The following WNT3A variants were observed in gnomAD, a reference collection of about 807,000 sequenced individuals.
The protein encoded by WNT3A is protein Wnt-3a.
WNT3A carries 17 observed loss-of-function variants against 37.0 expected under a neutral mutation model. The observed-to-expected ratio is 0.46, with a 90% CI of 0.31 to 0.69. The LOEUF is 0.69. WNT3A is among the 30% of genes least tolerant of loss of function. The pLI is 0.05. For missense variants in WNT3A, 411 were observed against 510.2 expected, an observed-to-expected ratio of 0.81 and a Z score of 1.87; for synonymous variants, 187 against 211.0, an observed-to-expected ratio of 0.89 and a Z score of 0.99.
At chr1:228,027,031 C>T (rs1380679733) in intron 2 of WNT3A, among the ~76,000 whole-genome samples, 4 of 152,072 alleles carry the variant, frequency 2.6e-5, no homozygotes, top group Admixed American at 6.6e-5. Flanking sequence ...TCAGTACAGA[C>T]GGGGTTTCAC....
chr1:228,059,611 G>T lies in WNT3A; in HGVS notation c.*146G>T. On this transcript the variant is annotated 3_prime_UTR_variant, in exon 4 of 4. Transcript: ENST00000284523. ...CTGGGGGTGGGGCTCCTACCTGGGGGCAGAACTCCTACCTGAAGGCAGGGC... is the reference window on the plus strand; with the variant it reads ...CTGGGGGTGGGGCTCCTACCTGGGGTCAGAACTCCTACCTGAAGGCAGGGC... 6 of 1,389,536 alleles carry T rather than the reference G, an allele frequency of 4.3e-6. No individual in the cohort carries two copies. In the South Asian group the frequency reaches 1.0e-4, roughly 23 times the overall value. The allele number at this position is 1,389,536 out of a possible 1,614,324, so 86.1% of individuals were successfully genotyped here. A position where few individuals can be genotyped will look rare whatever the true frequency, so the allele number is the denominator to read the frequency against.
chr1:228,027,658 T>C (rs898863428), intron 2 of WNT3A, among the ~76,000 whole-genome samples: 14 of 152,252 alleles, frequency 9.2e-5, no homozygotes, highest in Non-Finnish European at 1.6e-4. Flanking sequence ...GAGTTCCTTG[T>C]CAATTCTGGA....
intron 1 of WNT3A, among the ~76,000 whole-genome samples, chr1:228,014,339 T>C (rs1195900082): frequency 6.6e-6 from 1 of 152,218 alleles, no homozygotes; most frequent in Non-Finnish European, 1.5e-5. Context: ...TTGGAGCCCA[T>C]GCCCACCTTC....
rs1233716235 is a variant in WNT3A, at chr1:228,042,823, A to G, written c.314-7833A>G. ...TGGATGATGGATGGATGGATAATGG[A>G]TGATGGATGGATGTGGATGACAGAT... is the stretch of plus-strand genomic sequence containing the variant. On this transcript the variant is annotated intron_variant, in intron 2 of 3. Coordinates refer to ENST00000284523, the MANE Select transcript of WNT3A (RefSeq NM_033131.4). This position sits in a 1 kb window ranked among gnomAD's most constrained non-coding sequence, Gnocchi z 5.2. Among the ~76,000 whole-genome samples the G allele has an allele frequency of 6.6e-6, 1 of 151,512 alleles. No individual in the cohort carries two copies. The highest frequency in any genetic ancestry group is 1.5e-5 in the Non-Finnish European group (1 of 67,858).
intron 2 of WNT3A, among the ~76,000 whole-genome samples, chr1:228,047,806 G>A (rs1222424137): frequency 6.6e-6 from 1 of 151,966 alleles, no homozygotes; most frequent in African/African-American, 2.4e-5. Flanking sequence ...ATAAAGAGTG[G>A]GGGAAGAGGT....
At chr1:228,045,042 A>T (rs1229745453) in intron 2 of WNT3A, among the ~76,000 whole-genome samples, 1 of 152,216 alleles carries the variant, frequency 6.6e-6, no homozygotes. Context: ...TGGTGACCAA[A>T]CTGAGCAAGA....
In WNT3A at chr1:228,039,033, G is replaced by T. The variant is rs1429255308; in HGVS notation, c.314-11623G>T. 6.6e-6 allele frequency among the ~76,000 whole-genome samples: 1 copy of T among 152,126 alleles called. No homozygotes were observed. The highest frequency in any genetic ancestry group is 1.5e-5 in the Non-Finnish European group (1 of 67,984). ...TTGGGAGTCTGGGCCCCCAGCACCC[G>T]GCTGGACTGGCCACCATGGAGTCCT... On this transcript the variant is annotated intron_variant, in intron 2 of 3. Coordinates refer to ENST00000284523, the MANE Select transcript of WNT3A (RefSeq NM_033131.4). The surrounding 1 kb of genome is among the most constrained non-coding windows in gnomAD (Gnocchi z 4.1).
At chr1:228,048,024 G>A (rs1172862874) in intron 2 of WNT3A, among the ~76,000 whole-genome samples, 1 of 152,166 alleles carries the variant, frequency 6.6e-6, no homozygotes, top group African/African-American at 2.4e-5. Context: ...AAGCTCCCTG[G>A]ATGTCCAGGT....
rs571756090 is a variant in WNT3A at position 228,008,324 on chromosome 1, G to A, written c.71+1125G>A. ...AGCCTGGAATTATAATAATTACGCC[G>A]AGGGGAAGGGGGGAGACCCAGCGAG... On this transcript the variant is annotated intron_variant, in intron 1 of 3. Coordinates refer to ENST00000284523, the MANE Select transcript of WNT3A (RefSeq NM_033131.4). The surrounding 1 kb of genome is among the most constrained non-coding windows in gnomAD (Gnocchi z 4.9). Among the ~76,000 whole-genome samples the A allele has an allele frequency of 6.6e-6, 1 of 152,324 alleles. No individual in the cohort carries two copies. Among genetic ancestry groups the A allele is most frequent in the South Asian group, 2.1e-4 (1 of 4,826 alleles).
At chr1:228,044,956 G>C (rs1436206391) in intron 2 of WNT3A, among the ~76,000 whole-genome samples, 1 of 152,196 alleles carries the variant, frequency 6.6e-6, no homozygotes, top group East Asian at 1.9e-4. Context: ...TTGAAGGCCT[G>C]CTCCAGGGTT....
intron 1 of WNT3A, among the ~76,000 whole-genome samples, chr1:228,010,804 C>T (rs1558282960): frequency 6.6e-6 from 1 of 152,204 alleles, no homozygotes; most frequent in South Asian, 2.1e-4. Flanking sequence ...CTCTGGGCCT[C>T]GAGCTTGTCA....
In WNT3A at chr1:228,050,976, G is replaced by A. The variant is rs1189131681; in HGVS notation, c.579+55G>A. 1 of 1,474,532 alleles carries A rather than the reference G, an allele frequency of 6.8e-7. No individual in the cohort carries two copies. Among genetic ancestry groups the A allele is most frequent in the African/African-American group, 1.4e-5 (1 of 70,904 alleles). 91.3% of individuals were successfully genotyped at this position (1,474,532 alleles called of 1,614,324 possible). On this transcript the variant is annotated intron_variant, in intron 3 of 3. Coordinates refer to ENST00000284523, the MANE Select transcript of WNT3A (RefSeq NM_033131.4). This position sits in a 1 kb window ranked among gnomAD's most constrained non-coding sequence, Gnocchi z 5.0. ...GAAAAAGGAGCCTCCTCAGCAGGGT[G>A]TGTGCCCTGGTTCCTTGGGGCATAT...
chr1:228,008,694 G>T lies in WNT3A; in HGVS notation c.71+1495G>T, dbSNP rs959586721. ...TCCGTCCGAGAGAGCCCCGAGGGCT[G>T]CCGGCTTACGCACCAGGCTTCTAAT... On this transcript the variant is annotated intron_variant, in intron 1 of 3. Transcript: ENST00000284523. This position sits in a 1 kb window ranked among gnomAD's most constrained non-coding sequence, Gnocchi z 4.9. 6.6e-6 allele frequency among the ~76,000 whole-genome samples: 1 copy of T among 152,172 alleles called. No individual in the cohort carries two copies. Among genetic ancestry groups the T allele is most frequent in the Non-Finnish European group, 1.5e-5 (1 of 68,014 alleles).
intron 2 of WNT3A, among the ~76,000 whole-genome samples, chr1:228,044,798 G>T (rs530287334): frequency 1.7e-4 from 26 of 152,338 alleles, no homozygotes; most frequent in Non-Finnish European, 3.1e-4. Flanking sequence ...TTTAATGCAG[G>T]CTCTCTTTGC....
chr1:228,058,855 G>T, intron 3 of WNT3A, 131 bp from the exon 4 acceptor site: 2 of 948,284 alleles, frequency 2.1e-6, no homozygotes, highest in Non-Finnish European at 1.5e-6. Flanking sequence ...CTGGGGCCCT[G>T]CCTGGGAGTC....
intron 2 of WNT3A, among the ~76,000 whole-genome samples, chr1:228,043,646 G>A (rs1265978556): frequency 8.5e-5 from 13 of 152,234 alleles, no homozygotes; most frequent in Non-Finnish European, 1.3e-4. Context: ...GAGCCTGGAC[G>A]TAAGTCCTGG....
In WNT3A at chr1:228,060,208, C is replaced by T. The variant is rs774764287; in HGVS notation, c.*743C>T. 6 of 1,351,764 alleles carry T rather than the reference C, an allele frequency of 4.4e-6. No homozygotes were observed. The highest frequency in any genetic ancestry group is 2.1e-4 in the Middle Eastern group (1 of 4,762). The allele number at this position is 1,351,764 out of a possible 1,614,324, so 83.7% of individuals were successfully genotyped here. A position where few individuals can be genotyped will look rare whatever the true frequency, so the allele number is the denominator to read the frequency against. ...TAAGGCGTGGCTTCTGCAGGAATCC[C>T]GGCTCCAGAGCAGGAAATTCAGCCC... On this transcript the variant is annotated 3_prime_UTR_variant, in exon 4 of 4. Coordinates refer to ENST00000284523, the MANE Select transcript of WNT3A (RefSeq NM_033131.4).
chr1:228,041,654 C>T (rs1425653199), intron 2 of WNT3A, among the ~76,000 whole-genome samples: 3 of 152,112 alleles, frequency 2.0e-5, no homozygotes, highest in African/African-American at 7.2e-5. Flanking sequence ...CCTCCCATCC[C>T]AGGCCTGCCT....
chr1:228,059,322 G>T lies in WNT3A; in HGVS notation c.916G>T (p.Gly306Cys). The change falls in exon 4 of 4, where the codon GGC becomes TGC. Residue 306 changes from glycine (G) to cysteine (C), a missense_variant. Coordinates refer to ENST00000284523, the MANE Select transcript of WNT3A (RefSeq NM_033131.4). ...TCNVSSHGID[G>C]CDLLCCGRGH... The stretch of plus-strand genomic sequence containing the variant: ...CAACGTCAGCTCGCACGGCATCGAC[G>T]GCTGCGACCTGCTGTGCTGCGGCCG... 1 of 1,575,338 alleles carries T rather than the reference G, an allele frequency of 6.3e-7. No homozygotes were observed. Among genetic ancestry groups the T allele is most frequent in the South Asian group, 1.1e-5 (1 of 87,832 alleles).
Sources: gnomAD v4.1 joint callset for allele counts (sites outside exome capture counted in the v4.1 genomes callset) on GRCh38, gnomAD v4.1.1 for gene constraint, Gnocchi (gnomAD v3.1) non-coding constraint, MANE v1.5 for transcripts, NCBI Gene and HGNC (gene_info 2026-07-23, HGNC 2026-07-21) for gene names.